HOMER2: variants seen among roughly 807,000 people sequenced by gnomAD.
HOMER2 encodes the protein homer scaffold protein 2.
A neutral mutation model predicts 47.0 loss-of-function variants in HOMER2; 27 were observed. The observed-to-expected ratio is 0.57, with a 90% confidence interval of 0.42 to 0.79. HOMER2 has a LOEUF of 0.79. HOMER2 is among the 30% of genes least tolerant of loss of function. The pLI is 0.00. For missense variants in HOMER2, 443 were observed against 435.0 expected (o/e 1.02, Z -0.16); for synonymous variants, 161 against 163.8 (o/e 0.98, Z 0.13).
chr15:82,934,883 G>C (rs1328930711), intron 1 of HOMER2, among the ~76,000 whole-genome samples: 3 of 152,156 alleles, frequency 2.0e-5, no homozygotes, highest in Non-Finnish European at 4.4e-5. Flanking sequence ...TTCTCCTCCA[G>C]CTTCCCACAC....
intron 2 of HOMER2, among the ~76,000 whole-genome samples, chr15:82,875,933 C>G (rs561020395): frequency 6.6e-6 from 1 of 152,298 alleles, no homozygotes; most frequent in East Asian, 1.9e-4. Context: ...GACAAAGAAA[C>G]TAATTATACG....
chr15:82,949,856 C>T (rs114916746), intron 1 of HOMER2, among the ~76,000 whole-genome samples: 5,241 of 152,250 alleles, frequency 0.034, 272 homozygotes, highest in African/African-American at 0.12. Context: ...GGCTGCCACG[C>T]AGATACAGAA....
At chr15:82,896,933 G>A (rs905595650) in intron 1 of HOMER2, among the ~76,000 whole-genome samples, 1 of 152,118 alleles carries the variant, frequency 6.6e-6, no homozygotes, top group African/African-American at 2.4e-5. Flanking sequence ...TGCTAGGCTC[G>A]CTCTCCACTT....
intron 1 of HOMER2, among the ~76,000 whole-genome samples, chr15:82,899,054 T>C (rs1275370316): frequency 1.3e-5 from 2 of 152,222 alleles, no homozygotes; most frequent in African/African-American, 4.8e-5. Context: ...ACACTCTGCC[T>C]GCCCAGCTGC....
chr15:82,926,755 G>C (rs1235847165), intron 1 of HOMER2: 1 of 152,194 alleles, frequency 6.6e-6, no homozygotes, highest in African/African-American at 2.4e-5. Flanking sequence ...TTGAAGAGGT[G>C]ATCAGACCAT....
chr15:82,924,111 A>G (rs1883375656), intron 1 of HOMER2, among the ~76,000 whole-genome samples: 1 of 152,158 alleles, frequency 6.6e-6, no homozygotes, highest in Admixed American at 6.5e-5. Context: ...TGGAAAGAAA[A>G]GGTACGGAGT....
intron 1 of HOMER2, among the ~76,000 whole-genome samples, chr15:82,934,810 CG>C (rs1567063543): frequency 5.9e-5 from 9 of 152,190 alleles, no homozygotes; most frequent in African/African-American, 2.2e-4. Context: ...CTGCAGTGGC[CG>C]ACAGGCCTGT....
intron 1 of HOMER2, among the ~76,000 whole-genome samples, chr15:82,934,996 G>T (rs1219722222): frequency 6.6e-6 from 1 of 152,018 alleles, no homozygotes; most frequent in African/African-American, 2.4e-5. Flanking sequence ...CACCAATCCC[G>T]CCTGCATCTC....
At chr15:82,854,298 C>T (rs544306646) in intron 6 of HOMER2, among the ~76,000 whole-genome samples, 28 of 151,946 alleles carry the variant, frequency 1.8e-4, no homozygotes, top group African/African-American at 4.6e-4. Flanking sequence ...CCAGCTACTT[C>T]GGAGGCTGAG....
intron 1 of HOMER2, among the ~76,000 whole-genome samples, chr15:82,982,936 CT>C (rs2030444758): frequency 6.6e-6 from 1 of 152,192 alleles, no homozygotes; most frequent in Non-Finnish European, 1.5e-5. Flanking sequence ...TCTATGAATA[CT>C]TTCCCTGTTG....
At chr15:82,856,983 CA>C (rs1159045724) in intron 5 of HOMER2, among the ~76,000 whole-genome samples, 1 of 152,192 alleles carries the variant, frequency 6.6e-6, no homozygotes, top group Non-Finnish European at 1.5e-5. Context: ...ACTTGGAATT[CA>C]GTTTCCTCAT....
intron 1 of HOMER2, among the ~76,000 whole-genome samples, chr15:82,969,972 G>T (rs766259515): frequency 1.2e-4 from 18 of 152,158 alleles, no homozygotes; most frequent in Non-Finnish European, 2.5e-4. Context: ...GAACACAACA[G>T]CTGGATGAAA....
intron 3 of HOMER2, among the ~76,000 whole-genome samples, chr15:82,866,002 G>A (rs1467939384): frequency 6.6e-6 from 1 of 152,218 alleles, no homozygotes; most frequent in Non-Finnish European, 1.5e-5. Context: ...CTGGGGCACT[G>A]TCTAGTGGAG....
chr15:82,858,970 G>T, intron 5 of HOMER2, 59 bp downstream of exon 5: 1 of 1,557,132 alleles, frequency 6.4e-7, no homozygotes, highest in African/African-American at 1.4e-5. Context: ...AGCAAGAAAG[G>T]CTTCTAGGGA....
chr15:82,836,234 G>A (rs1431703774), downstream of HOMER2: 1 of 152,222 alleles, frequency 6.6e-6, no homozygotes, highest in African/African-American at 2.4e-5. Flanking sequence ...AGGGAATTCA[G>A]AGCCAAGGAA....
At chr15:82,882,311 C>T (rs2052545889) in intron 2 of HOMER2, among the ~76,000 whole-genome samples, 1 of 152,228 alleles carries the variant, frequency 6.6e-6, no homozygotes, top group African/African-American at 2.4e-5. Flanking sequence ...CCAGGCCTGA[C>T]CTCATCATCC....
intron 1 of HOMER2, among the ~76,000 whole-genome samples, chr15:82,933,691 G>A (rs112571599): frequency 4.6e-5 from 7 of 152,180 alleles, no homozygotes; most frequent in Non-Finnish European, 7.3e-5. Context: ...AGATGGGAGC[G>A]GGGCAGGCCC....
At chr15:82,852,113 G>C (rs777448025) in intron 7 of HOMER2, 29 bp downstream of exon 7, 3 of 1,543,978 alleles carry the variant, frequency 1.9e-6, no homozygotes, top group Non-Finnish European at 2.7e-6. Flanking sequence ...AGGACGCCAA[G>C]GGGCCCTGCT....
intron 4 of HOMER2, among the ~76,000 whole-genome samples, chr15:82,862,771 A>C (rs1214621292): frequency 6.6e-6 from 1 of 152,194 alleles, no homozygotes; most frequent in Non-Finnish European, 1.5e-5. Flanking sequence ...TGATGAGGCC[A>C]GAACAAGGTA....
Sources: gnomAD v4.1 joint callset for allele counts (sites outside exome capture counted in the v4.1 genomes callset) on GRCh38, gnomAD v4.1.1 for gene constraint, MANE v1.5 for transcripts, NCBI Gene and HGNC (gene_info 2026-07-23, HGNC 2026-07-21) for gene names.